The following PRICKLE1 variants were observed in gnomAD, a reference collection of about 807,000 sequenced individuals.
PRICKLE1 encodes the protein prickle planar cell polarity protein 1, also known as prickle-like protein 1.
A neutral mutation model predicts 70.2 loss-of-function variants in PRICKLE1; 14 were observed. The ratio of observed to expected loss-of-function variants is 0.20; its 90% CI spans 0.13 to 0.31. The LOEUF (loss-of-function observed/expected upper bound fraction) is 0.31, where lower values mean the gene tolerates loss of function less well. Ranked by LOEUF, PRICKLE1 falls within the 10% of genes least tolerant of loss-of-function variation. PRICKLE1 has a pLI of 1.00. For synonymous variants in PRICKLE1, 357 were observed against 379.9 expected, an observed-to-expected ratio of 0.94 and a Z score of 0.70; for missense variants, 821 against 1,026.2, an observed-to-expected ratio of 0.80 and a Z score of 2.73.
intron 1 of PRICKLE1, among the ~76,000 whole-genome samples, chr12:42,564,752 T>G (rs959398560): frequency 4.6e-5 from 7 of 152,218 alleles, no homozygotes; most frequent in East Asian, 1.9e-4. Flanking sequence ...TATTATTTTT[T>G]GGGGTCAATC....
chr12:42,552,135 C>T (rs1940329242), intron 1 of PRICKLE1, among the ~76,000 whole-genome samples: 2 of 150,090 alleles, frequency 1.3e-5, no homozygotes, highest in African/African-American at 2.5e-5. Flanking sequence ...TATGCAACCT[C>T]GGCTCACTAC....
At chr12:42,494,113 A>G (rs1447064643) in intron 1 of PRICKLE1, among the ~76,000 whole-genome samples, 1 of 152,216 alleles carries the variant, frequency 6.6e-6, no homozygotes, top group Non-Finnish European at 1.5e-5. Flanking sequence ...CTTACTGCTA[A>G]AAAATGCTAA....
At chr12:42,485,120 TAGCTC>T (rs1252481058) in intron 1 of PRICKLE1, among the ~76,000 whole-genome samples, 2 of 151,836 alleles carry the variant, frequency 1.3e-5, no homozygotes, top group Non-Finnish European at 2.9e-5. Flanking sequence ...ACGTGAACAA[TAGCTC>T]ATTGTAACTG....
intron 1 of PRICKLE1, among the ~76,000 whole-genome samples, chr12:42,504,033 AT>A (rs199743660): frequency 5.7e-5 from 6 of 105,498 alleles, no homozygotes; most frequent in South Asian, 3.2e-4. Context: ...CAAAAATCAT[AT>A]GTGGATTTTA....
chr12:42,511,932 C>T lies in PRICKLE1; in HGVS notation c.-48-39368G>A, dbSNP rs956753983. ...GGAATCTTTTGTATTTTGCAAAGAGCTTGGCTTTGCTAAGGACTAATGGAC... is the reference window on the plus strand; with the variant it reads ...GGAATCTTTTGTATTTTGCAAAGAGTTTGGCTTTGCTAAGGACTAATGGAC... On this transcript the variant is annotated intron_variant, in intron 1 of 7. Transcript: ENST00000345127. Among the ~76,000 whole-genome samples the T allele has an allele frequency of 4.6e-5, 7 of 152,236 alleles. No homozygotes were observed. The East Asian group carries it at 1.2e-3, about 25-fold the overall frequency.
chr12:42,576,541 T>C (rs1940809071), intron 1 of PRICKLE1, among the ~76,000 whole-genome samples: 1 of 152,244 alleles, frequency 6.6e-6, no homozygotes. Context: ...CATTACCATC[T>C]GATAGCGTTT....
At chr12:42,465,861 G>A (rs1938077654) in intron 6 of PRICKLE1, 2 of 396,988 alleles carry the variant, frequency 5.0e-6, no homozygotes, top group Non-Finnish European at 9.4e-6. Flanking sequence ...AAAAACACAC[G>A]TGAAACAAGG....
At chr12:42,515,493 A>G (rs1353079436) in intron 1 of PRICKLE1, among the ~76,000 whole-genome samples, 1 of 152,094 alleles carries the variant, frequency 6.6e-6, no homozygotes, top group Non-Finnish European at 1.5e-5. Context: ...CCGTCTCCCA[A>G]AGTGCTGGGG....
At chr12:42,572,131 AT>A (rs1352998387) in intron 1 of PRICKLE1, among the ~76,000 whole-genome samples, 2 of 152,108 alleles carry the variant, frequency 1.3e-5, no homozygotes, top group Non-Finnish European at 2.9e-5. Flanking sequence ...GCACAGGAAC[AT>A]TGTTTAAAAT....
At chr12:42,552,217 C>T (rs2001848) in intron 1 of PRICKLE1, among the ~76,000 whole-genome samples, 1,859 of 152,080 alleles carry the variant, frequency 0.012, 127 homozygotes, top group Admixed American at 0.091. Context: ...CAGGTGCATG[C>T]CACCACGCCC....
intron 1 of PRICKLE1, among the ~76,000 whole-genome samples, chr12:42,574,355 A>T (rs1039829375): frequency 1.3e-5 from 2 of 152,370 alleles, no homozygotes; most frequent in African/African-American, 2.4e-5. Context: ...AGCATTCAGC[A>T]ACAAAAAAAA....
chr12:42,587,512 T>C (rs952633217), intron 1 of PRICKLE1, among the ~76,000 whole-genome samples: 14 of 152,280 alleles, frequency 9.2e-5, no homozygotes, highest in Admixed American at 7.2e-4. Flanking sequence ...TTTTAATATG[T>C]AGAGCACATG....
chr12:42,503,458 G>A (rs11181530), intron 1 of PRICKLE1, among the ~76,000 whole-genome samples: 9,099 of 151,990 alleles, frequency 0.06, 414 homozygotes, highest in Non-Finnish European at 0.084. Context: ...TAAAATCCCC[G>A]GAATTTTCCC....
At chr12:42,567,454 A>AT (rs1423507914) in intron 1 of PRICKLE1, among the ~76,000 whole-genome samples, 4 of 152,186 alleles carry the variant, frequency 2.6e-5, no homozygotes, top group African/African-American at 4.8e-5. Flanking sequence ...AAATACTTCA[A>AT]TTTTTTCCCC....
At chr12:42,582,708 C>T (rs1041495413) in intron 1 of PRICKLE1, among the ~76,000 whole-genome samples, 4 of 152,218 alleles carry the variant, frequency 2.6e-5, no homozygotes, top group Admixed American at 6.5e-5. Context: ...ACAAGCTTGT[C>T]CGACCCACGG....
Position 42,582,819 on chromosome 12 carries a change from CT to C in PRICKLE1, c.-49+6645del, listed in dbSNP as rs562912328. Among the ~76,000 whole-genome samples the C allele has an allele frequency of 1.3e-4, 20 of 151,688 alleles. No individual in the cohort carries two copies. In the East Asian group the frequency reaches 2.9e-3, roughly 22 times the overall value. Reference sequence around the variant, plus strand: ...TGAGATTTGTGTGTGTGTGTGATTTCTTTTTTTTATTTAGCTCACCAGCCAT... The same window carrying C: ...TGAGATTTGTGTGTGTGTGTGATTTCTTTTTTTATTTAGCTCACCAGCCAT... On this transcript the variant is annotated intron_variant, in intron 1 of 7. Transcript: ENST00000345127.
chr12:42,499,757 T>C (rs532922371), intron 1 of PRICKLE1, among the ~76,000 whole-genome samples: 1 of 151,170 alleles, frequency 6.6e-6, no homozygotes, highest in South Asian at 2.1e-4. Context: ...AGACAGAGTC[T>C]TGCTCTGTTG....
At chr12:42,563,702 CAAAAAA>C (rs11367725) in intron 1 of PRICKLE1, among the ~76,000 whole-genome samples, 1 of 46,512 alleles carries the variant, frequency 2.1e-5, no homozygotes, top group East Asian at 1.0e-3. Flanking sequence ...GACTCTGTCT[CAAAAAA>C]AAAAAAAAAA....
At position 42,464,700 on chromosome 12, in the gene PRICKLE1, G is replaced by C; in HGVS notation, c.1334C>G (p.Ser445Cys). 6.2e-7 allele frequency: 1 copy of C among 1,614,066 alleles called. No homozygotes were observed. Among genetic ancestry groups the C allele is most frequent in the Non-Finnish European group, 8.5e-7 (1 of 1,180,016 alleles). Residue 445 changes from serine (S) to cysteine (C), a missense_variant, in exon 7 of 8, where the codon TCT becomes TGT. Ser to Cys is a moderately radical substitution (Grantham distance 112). Transcript: ENST00000345127. This position sits in a 1 kb window ranked among gnomAD's most constrained non-coding sequence, Gnocchi z 4.2. Reference protein sequence around the residue: ...MDIRASEHWISDNMVKSKTEL... With the variant: ...MDIRASEHWICDNMVKSKTEL... ...GGTCTTACTTTTAACCATGTTATCA[G>C]ATATCCAGTGCTCACTGGCTCGAAT...
Sources: allele counts gnomAD v4.1 joint callset (sites outside exome capture counted in the v4.1 genomes callset), GRCh38; gene constraint gnomAD v4.1.1; non-coding constraint Gnocchi (gnomAD v3.1); transcripts MANE v1.5; gene names NCBI Gene and HGNC (gene_info 2026-07-23, HGNC 2026-07-21).